ADAMTS14: variants seen among roughly 807,000 people sequenced by gnomAD.
The protein encoded by ADAMTS14 is ADAM metallopeptidase with thrombospondin type 1 motif 14.
ADAMTS14 carries 100 observed loss-of-function variants against 128.6 expected under a neutral mutation model. That is an observed-to-expected ratio of 0.78 (90% confidence interval 0.66 to 0.92). The LOEUF (loss-of-function observed/expected upper bound fraction) is 0.92. Among genes scored for constraint, ADAMTS14 ranks in the 40% least tolerant of loss-of-function variants. ADAMTS14 has a pLI of 0.00. For missense variants in ADAMTS14, 1,562 were observed against 1,658.6 expected, an observed-to-expected ratio of 0.94 and a Z score of 1.01; for synonymous variants, 665 against 653.8, an observed-to-expected ratio of 1.02 and a Z score of -0.26.
chr10:70,710,871 T>A (rs1457455383), intron 4 of ADAMTS14, among the ~76,000 whole-genome samples: 1 of 152,194 alleles, frequency 6.6e-6, no homozygotes, highest in East Asian at 1.9e-4. Flanking sequence ...AACGGGACAG[T>A]TGATGGGGAG....
chr10:70,721,673 C>A (rs1367509905), intron 4 of ADAMTS14, among the ~76,000 whole-genome samples: 1 of 152,234 alleles, frequency 6.6e-6, no homozygotes, highest in East Asian at 1.9e-4. Context: ...AGGCGTGAGC[C>A]ACTGCGCCTG....
intron 16 of ADAMTS14, 57 bp from the exon 17 acceptor site, chr10:70,751,421 T>A: frequency 6.5e-7 from 1 of 1,549,296 alleles, no homozygotes; most frequent in Admixed American, 1.7e-5. Flanking sequence ...CCCCTCCCAG[T>A]GCATGCCGCC....
In ADAMTS14 at chr10:70,743,549, C is replaced by T. The variant is rs201043224; in HGVS notation, c.1926C>T (p.Asp642=). Residue 642 remains aspartate, a splice_region_variant and synonymous_variant, in exon 13 of 22, where the codon GAC becomes GAT. Transcript: ENST00000373207. ...TCAGCATAGTCCCTCTCCCTACAGA[C>T]GCCCAGAAGTGTGAGCTGATCTGCC... ...HSWVPYEPDD[D]AQKCELICQS... 8.8e-5 allele frequency: 142 copies of T among 1,612,316 alleles called. No homozygotes were observed. The highest frequency in any genetic ancestry group is 7.7e-4 in the South Asian group (70 of 90,900).
chr10:70,680,394 A>C (rs1340344055), intron 2 of ADAMTS14, among the ~76,000 whole-genome samples: 1 of 152,214 alleles, frequency 6.6e-6, no homozygotes, highest in Non-Finnish European at 1.5e-5. Flanking sequence ...AACAAGAGCG[A>C]AACTGTCTCA....
At chr10:70,682,364 G>A (rs1216094115) in intron 2 of ADAMTS14, among the ~76,000 whole-genome samples, 1 of 152,218 alleles carries the variant, frequency 6.6e-6, no homozygotes, top group Non-Finnish European at 1.5e-5. Context: ...TTAAGCCATT[G>A]TATGAACCAA....
intron 4 of ADAMTS14, among the ~76,000 whole-genome samples, chr10:70,723,427 A>T (rs1841332810): frequency 6.6e-6 from 1 of 152,246 alleles, no homozygotes; most frequent in Admixed American, 6.5e-5. Context: ...GTTAACTGTG[A>T]CAACCATACC....
rs1457100463 is a variant in ADAMTS14, at chr10:70,689,884, C to T, written c.523-12428C>T. Reference sequence around the variant, plus strand: ...CCCTCAGACCCCTCAGGCTTTCACTCAAATGTCACCTTCAGAGCGACGTCC... The same window carrying T: ...CCCTCAGACCCCTCAGGCTTTCACTTAAATGTCACCTTCAGAGCGACGTCC... On this transcript the variant is annotated intron_variant, in intron 2 of 21. Transcript: ENST00000373207. 1.4e-5 allele frequency among the ~76,000 whole-genome samples: 2 copies of T among 145,220 alleles called. 1 individual carries two copies. The highest frequency in any genetic ancestry group is 4.9e-5 in the African/African-American group (2 of 41,028).
intron 4 of ADAMTS14, among the ~76,000 whole-genome samples, chr10:70,721,170 G>A (rs532975826): frequency 6.6e-6 from 1 of 151,182 alleles, no homozygotes; most frequent in East Asian, 2.0e-4. Flanking sequence ...TATTACAGGT[G>A]CATGTCACCA....
intron 15 of ADAMTS14, among the ~76,000 whole-genome samples, chr10:70,747,177 A>G (rs906474684): frequency 6.6e-6 from 1 of 152,122 alleles, no homozygotes; most frequent in Non-Finnish European, 1.5e-5. Flanking sequence ...CCCTTAACAC[A>G]GCTCCAGTGG....
intron 2 of ADAMTS14, among the ~76,000 whole-genome samples, chr10:70,699,562 C>A (rs557303765): frequency 6.6e-6 from 1 of 151,918 alleles, no homozygotes; most frequent in African/African-American, 2.4e-5. Context: ...CAGACTGGGA[C>A]GAGCACGATG....
intron 2 of ADAMTS14, 100 bp downstream of exon 2, chr10:70,675,095 G>A: frequency 2.8e-6 from 4 of 1,411,370 alleles, no homozygotes; most frequent in Non-Finnish European, 3.9e-6. Context: ...TCTGGGCCAA[G>A]GCAGGGGTGG....
At chr10:70,695,970 G>A (rs1840321619) in intron 2 of ADAMTS14, among the ~76,000 whole-genome samples, 1 of 152,222 alleles carries the variant, frequency 6.6e-6, no homozygotes, top group South Asian at 2.1e-4. Flanking sequence ...TCCAGGAAGT[G>A]GTGGCTCTAG....
chr10:70,677,249 C>T (rs993201149), intron 2 of ADAMTS14, among the ~76,000 whole-genome samples: 24 of 152,070 alleles, frequency 1.6e-4, no homozygotes, highest in African/African-American at 5.1e-4. Flanking sequence ...TGGGGGCTGG[C>T]GGATGGTGGA....
intron 2 of ADAMTS14, among the ~76,000 whole-genome samples, chr10:70,683,954 T>C (rs549630929): frequency 6.6e-6 from 1 of 152,284 alleles, no homozygotes; most frequent in South Asian, 2.1e-4. Flanking sequence ...AGTTCATTCT[T>C]GCACTGCTAT....
chr10:70,731,875 C>G (rs535399372), intron 6 of ADAMTS14, among the ~76,000 whole-genome samples: 2 of 152,114 alleles, frequency 1.3e-5, no homozygotes, highest in Non-Finnish European at 2.9e-5. Context: ...CCTGTTTTCC[C>G]CCTGGTACCT....
intron 16 of ADAMTS14, 26 bp downstream of exon 16, chr10:70,750,011 AC>A: frequency 6.2e-7 from 1 of 1,606,192 alleles, no homozygotes; most frequent in Non-Finnish European, 8.5e-7. Flanking sequence ...TGCGGTGGCA[AC>A]CCCTGCCCAC....
intron 1 of ADAMTS14, among the ~76,000 whole-genome samples, chr10:70,673,483 C>G (rs890713034): frequency 6.6e-6 from 1 of 152,162 alleles, no homozygotes; most frequent in Non-Finnish European, 1.5e-5. Flanking sequence ...ATGGGGTACC[C>G]TCCTGGTGGC....
chr10:70,718,860 T>TC (rs1285778606), intron 4 of ADAMTS14, among the ~76,000 whole-genome samples: 4 of 150,214 alleles, frequency 2.7e-5, no homozygotes, highest in Non-Finnish European at 4.4e-5. Context: ...TTCTTCTTCT[T>TC]TTTTTTTTAA....
chr10:70,677,916 T>C (rs1267140817), intron 2 of ADAMTS14, among the ~76,000 whole-genome samples: 1 of 152,254 alleles, frequency 6.6e-6, no homozygotes, highest in Non-Finnish European at 1.5e-5. Context: ...CATCTTTACA[T>C]GGTCTCTGGA....
Sources: allele counts gnomAD v4.1 joint callset (sites outside exome capture counted in the v4.1 genomes callset), GRCh38; gene constraint gnomAD v4.1.1; transcripts MANE v1.5; gene names NCBI Gene and HGNC (gene_info 2026-07-23, HGNC 2026-07-21).